The following APP variants were observed in gnomAD, a reference collection of about 807,000 sequenced individuals.
APP encodes the protein amyloid beta precursor protein.
In APP, 31 loss-of-function variants were observed where a neutral mutation model predicts 101.4. The observed-to-expected ratio is 0.31, with a 90% confidence interval of 0.23 to 0.41. APP has a LOEUF of 0.41. Among genes scored for constraint, APP ranks in the 10% least tolerant of loss-of-function variants. The pLI, the probability that APP is intolerant of heterozygous loss-of-function variation, is 1.00. For missense variants in APP, 839 were observed against 1,003.7 expected, an observed-to-expected ratio of 0.84 and a Z score of 2.22; for synonymous variants, 366 against 364.4, an observed-to-expected ratio of 1.00 and a Z score of -0.05.
At chr21:25,974,841 C>T (rs1169500567) in intron 11 of APP, among the ~76,000 whole-genome samples, 2 of 152,288 alleles carry the variant, frequency 1.3e-5, no homozygotes, top group African/African-American at 4.8e-5. Flanking sequence ...TCCTGTCTGG[C>T]TGCTCTGTGG....
In APP at chr21:26,166,871, TGAGA is replaced by T. The variant is rs559340452; in HGVS notation, c.57+3689_57+3692del. 7.4e-3 allele frequency among the ~76,000 whole-genome samples: 995 copies of T among 135,170 alleles called. 8 individuals carry two copies. The highest frequency in any genetic ancestry group is 0.011 in the Admixed American group (150 of 13,372). 88.7% of individuals were successfully genotyped at this position (135,170 alleles called of 152,430 possible). On this transcript the variant is annotated intron_variant, in intron 1 of 17. Coordinates refer to ENST00000346798, the MANE Select transcript of APP (RefSeq NM_000484.4). ...CCTGCACCAGCATCTGTCACTCAAG[TGAGA>T]GAGAGAGAGAGAGAGAGAGAGAGAG... is the stretch of plus-strand genomic sequence containing the variant.
At chr21:26,054,318 T>C (rs2045952488) in intron 3 of APP, among the ~76,000 whole-genome samples, 1 of 152,192 alleles carries the variant, frequency 6.6e-6, no homozygotes, top group Non-Finnish European at 1.5e-5. Flanking sequence ...CTGTCTTGCT[T>C]GCCATTATAC....
chr21:26,162,709 C>T (rs2830102), intron 1 of APP, among the ~76,000 whole-genome samples: 56,398 of 149,814 alleles, frequency 0.38, 11,762 homozygotes, highest in African/African-American at 0.58. Context: ...CTTCACTTAA[C>T]ACAAATGACT....
chr21:26,035,954 G>T (rs574025103), intron 5 of APP, among the ~76,000 whole-genome samples: 12 of 152,264 alleles, frequency 7.9e-5, no homozygotes, highest in African/African-American at 2.6e-4. Context: ...TACTGAGATA[G>T]AATAGCTTTG....
intron 11 of APP, among the ~76,000 whole-genome samples, chr21:25,969,905 A>AGAGGGGAGGGGAGGG (rs796868333): frequency 1.3e-5 from 1 of 79,358 alleles, no homozygotes; most frequent in Non-Finnish European, 2.3e-5. Flanking sequence ...AGAGAAGAGA[A>AGAGGGGAGGGGAGGG]GAGGGGAGGG....
chr21:26,133,509 G>C (rs1019016132), intron 1 of APP, among the ~76,000 whole-genome samples: 1 of 152,138 alleles, frequency 6.6e-6, no homozygotes, highest in Non-Finnish European at 1.5e-5. Flanking sequence ...GAATAGGCCG[G>C]GCGCGGTGGC....
At position 25,894,449 on chromosome 21, in the gene APP, A is replaced by AT. The variant is rs765515648; in HGVS notation, c.2065-2582dup. On this transcript the variant is annotated intron_variant, in intron 16 of 17. Coordinates refer to ENST00000346798, the MANE Select transcript of APP (RefSeq NM_000484.4). ...CCAGATGCCATTAAGAACATCTGTG[A>AT]TCCATGGGAGATCAAAACATCAGCA... is the stretch of plus-strand genomic sequence containing the variant. Among the ~76,000 whole-genome samples, 604 of 152,346 alleles carry AT rather than the reference A, an allele frequency of 4.0e-3. 3 individuals carry two copies. Among genetic ancestry groups the AT allele is most frequent in the Non-Finnish European group, 7.6e-3 (514 of 68,042 alleles).
intron 17 of APP, among the ~76,000 whole-genome samples, chr21:25,888,718 T>A (rs1037574525): frequency 6.6e-6 from 1 of 152,156 alleles, no homozygotes; most frequent in Non-Finnish European, 1.5e-5. Flanking sequence ...GGTCAAAGTG[T>A]CAACTTCTCC....
chr21:26,090,135 C>T, intron 2 of APP, 63 bp from the exon 3 acceptor site: 1 of 1,605,364 alleles, frequency 6.2e-7, no homozygotes, highest in South Asian at 1.1e-5. Context: ...TTACAAGCAT[C>T]TAACAAGCCT....
intron 1 of APP, among the ~76,000 whole-genome samples, chr21:26,119,900 C>A (rs1046636034): frequency 6.6e-6 from 1 of 152,188 alleles, no homozygotes; most frequent in African/African-American, 2.4e-5. Context: ...AAATGATTTT[C>A]CAGTATGGCT....
chr21:26,112,205 G>A (rs2062343344), intron 1 of APP, 59 bp from the exon 2 acceptor site: 4 of 1,544,960 alleles, frequency 2.6e-6, no homozygotes, highest in Admixed American at 3.3e-5. Context: ...GAGGCTTGGA[G>A]GAAGAACAGG....
chr21:26,063,728 A>G (rs146721511), intron 3 of APP, among the ~76,000 whole-genome samples: 1 of 152,348 alleles, frequency 6.6e-6, no homozygotes, highest in African/African-American at 2.4e-5. Flanking sequence ...TCTCCTGCGC[A>G]GAAGAATTCC....
At chr21:26,140,350 C>T (rs1044641545) in intron 1 of APP, 50 of 1,506,616 alleles carry the variant, frequency 3.3e-5, no homozygotes, top group Non-Finnish European at 4.3e-5. Context: ...CATGTCAACA[C>T]TAACCCAACT....
intron 1 of APP, among the ~76,000 whole-genome samples, chr21:26,159,656 T>A (rs1290102917): frequency 6.6e-6 from 1 of 152,230 alleles, no homozygotes; most frequent in Non-Finnish European, 1.5e-5. Flanking sequence ...TAACTTCGCA[T>A]GTGATAATAA....
intron 5 of APP, among the ~76,000 whole-genome samples, chr21:26,048,247 C>T (rs2045692737): frequency 6.6e-6 from 1 of 151,988 alleles, no homozygotes; most frequent in Admixed American, 6.6e-5. Flanking sequence ...CGCTTGAACC[C>T]GGGAGGTGGA....
chr21:26,019,540 A>G (rs2044243636), intron 6 of APP, among the ~76,000 whole-genome samples: 4 of 152,100 alleles, frequency 2.6e-5, no homozygotes, highest in Admixed American at 2.6e-4. Flanking sequence ...TTTGACTTCT[A>G]TTTCCTAAGA....
chr21:25,997,431 A>C lies in APP; in HGVS notation c.1034-15T>G. The C allele has an allele frequency of 6.2e-7, 1 of 1,606,300 alleles. No individual in the cohort carries two copies. The highest frequency in any genetic ancestry group is 8.5e-7 in the Non-Finnish European group (1 of 1,172,860). Reference sequence around the variant, plus strand: ...ACTTTGGGACACTATGGAAAAAATAAGAGAACATAACTAAAAACAAAAAGA... The same window carrying C: ...ACTTTGGGACACTATGGAAAAAATACGAGAACATAACTAAAAACAAAAAGA... On this transcript the variant is annotated splice_polypyrimidine_tract_variant and intron_variant, in intron 7 of 17. Coordinates refer to ENST00000346798, the MANE Select transcript of APP (RefSeq NM_000484.4).
chr21:26,046,757 T>G (rs1411183680), intron 5 of APP, among the ~76,000 whole-genome samples: 5 of 152,150 alleles, frequency 3.3e-5, no homozygotes, highest in Non-Finnish European at 5.9e-5. Context: ...GCTTTACGAA[T>G]TCAGCAACCC....
At chr21:25,932,416 T>C (rs1601441745) in intron 13 of APP, among the ~76,000 whole-genome samples, 1 of 152,182 alleles carries the variant, frequency 6.6e-6, no homozygotes, top group East Asian at 1.9e-4. Context: ...TTCGACATGA[T>C]GGACTATTTC....
Sources: allele counts gnomAD v4.1 joint callset (sites outside exome capture counted in the v4.1 genomes callset), GRCh38; gene constraint gnomAD v4.1.1; transcripts MANE v1.5; gene names NCBI Gene and HGNC (gene_info 2026-07-23, HGNC 2026-07-21).